The following SDHA variants were observed in gnomAD, a reference collection of about 807,000 sequenced individuals.
The protein encoded by SDHA is succinate dehydrogenase [ubiquinone] flavoprotein subunit, mitochondrial.
In SDHA, 48 loss-of-function variants were observed where a neutral mutation model predicts 78.4. That is an observed-to-expected ratio of 0.61 (90% CI 0.49 to 0.78). The LOEUF (loss-of-function observed/expected upper bound fraction) is 0.78. SDHA is among the 30% of genes least tolerant of loss of function. The pLI is 0.00. For synonymous variants in SDHA, 326 were observed against 353.9 expected (o/e 0.92, Z 0.88); for missense variants, 680 against 892.7 (o/e 0.76, Z 3.04).
chr5:220,815 A>ATTTTTTTTTT (rs753343756), intron 1 of SDHA, among the ~76,000 whole-genome samples: 4 of 139,066 alleles, frequency 2.9e-5, no homozygotes, highest in African/African-American at 8.4e-5. Context: ...TGTGAACTGA[A>ATTTTTTTTTT]TTTTTTTTTT....
At chr5:264,415 G>C in the SDHA span, among the ~76,000 whole-genome samples, 2 of 152,220 alleles carry the variant, frequency 1.3e-5, no homozygotes, top group Non-Finnish European at 2.9e-5. Flanking sequence ...AGGGCACAGG[G>C]TGTCTGGGAG....
chr5:264,864 T>G, the SDHA span, among the ~76,000 whole-genome samples: 1 of 152,190 alleles, frequency 6.6e-6, no homozygotes, highest in Admixed American at 6.5e-5. Context: ...GCCTTTGAAA[T>G]TATCTGGGGT....
chr5:234,569 T>G (rs1735644662), intron 8 of SDHA: 1 of 155,710 alleles, frequency 6.4e-6, no homozygotes, highest in Admixed American at 6.1e-5. Context: ...AGACTTTTTT[T>G]CCTTGTCATT....
chr5:263,890 T>G, the SDHA span, among the ~76,000 whole-genome samples: 2 of 152,194 alleles, frequency 1.3e-5, no homozygotes, highest in African/African-American at 4.8e-5. Flanking sequence ...ATGAAAGGAC[T>G]TTACTCACAG....
In SDHA at chr5:242,482, T is replaced by C. The variant is rs555319782; in HGVS notation, c.1551+2006T>C. On this transcript the variant is annotated intron_variant, in intron 11 of 14. Transcript: ENST00000264932. ...TAAGGAATACTTTTAGTAAATCTTA[T>C]GACTGGCTTGCTCTCAATAAATATG... Among the ~76,000 whole-genome samples the C allele has an allele frequency of 2.6e-5, 4 of 152,374 alleles. No individual in the cohort carries two copies. The South Asian group carries it at 6.2e-4, about 24-fold the overall frequency.
chr5:250,850 C>T (rs1343186532), intron 11 of SDHA, 142 bp from the exon 12 acceptor site: 6 of 748,470 alleles, frequency 8.0e-6, no homozygotes, highest in Non-Finnish European at 1.4e-5. Flanking sequence ...GTAATAAACT[C>T]ATAGTCTGAA....
intron 10 of SDHA, among the ~76,000 whole-genome samples, chr5:238,181 C>T (rs1413405339): frequency 2.6e-5 from 4 of 152,030 alleles, no homozygotes; most frequent in South Asian, 4.1e-4. Context: ...TCTGTTGATA[C>T]GACATTCTGG....
chr5:267,611 A>G, the SDHA span, among the ~76,000 whole-genome samples: 6 of 152,234 alleles, frequency 3.9e-5, no homozygotes, highest in Non-Finnish European at 8.8e-5. Flanking sequence ...ATTTAGAAAA[A>G]TTCTAATGAA....
intron 6 of SDHA, among the ~76,000 whole-genome samples, chr5:229,182 G>A (rs1398971073): frequency 6.6e-6 from 1 of 152,210 alleles, no homozygotes; most frequent in African/African-American, 2.4e-5. Context: ...ATGTAAATTA[G>A]TACAACTATT....
chr5:252,114 T>C (rs1173931220), intron 13 of SDHA, among the ~76,000 whole-genome samples: 1 of 150,916 alleles, frequency 6.6e-6, no homozygotes, highest in African/African-American at 2.4e-5. Flanking sequence ...GTGGAGGAAA[T>C]GCCAGTTTAT....
intron 1 of SDHA, among the ~76,000 whole-genome samples, chr5:221,409 T>A (rs1250614591): frequency 6.6e-6 from 1 of 152,240 alleles, no homozygotes; most frequent in Non-Finnish European, 1.5e-5. Context: ...GTTTTTAGGT[T>A]CTTCGTTGGC....
At chr5:251,309 G>T in intron 12 of SDHA, 29 bp from the exon 13 acceptor site, 2 of 1,608,302 alleles carry the variant, frequency 1.2e-6, no homozygotes, top group Non-Finnish European at 1.7e-6. Context: ...GGTCCCGCCT[G>T]CCCCTGATGG....
chr5:245,880 G>A (rs147342325), intron 11 of SDHA, among the ~76,000 whole-genome samples: 8 of 152,154 alleles, frequency 5.3e-5, no homozygotes, highest in Non-Finnish European at 7.4e-5. Context: ...ACTAGCCCTC[G>A]GCTTCCTACC....
chr5:225,350 G>GGAT, intron 3 of SDHA, 69 bp from the exon 4 acceptor site: 1 of 1,605,858 alleles, frequency 6.2e-7, no homozygotes, highest in Non-Finnish European at 8.5e-7. Context: ...CCCAGCGGGT[G>GGAT]GATTTGGGCC....
intron 12 of SDHA, 71 bp downstream of exon 12, chr5:251,174 G>T (rs1403531744): frequency 6.4e-7 from 1 of 1,558,714 alleles, no homozygotes; most frequent in East Asian, 2.2e-5. Context: ...TGTCTGTCCC[G>T]TCAGTGCTGA....
chr5:240,278 A>C lies in SDHA; in HGVS notation c.1433-80A>C, dbSNP rs557057185. 97 of 857,906 alleles carry C rather than the reference A, an allele frequency of 1.1e-4. No individual in the cohort carries two copies. The African/African-American group carries it at 1.6e-3, about 14-fold the overall frequency. 53.1% of individuals were successfully genotyped at this position (857,906 alleles called of 1,614,324 possible). On this transcript the variant is annotated intron_variant, in intron 10 of 14. Transcript: ENST00000264932. ...CAAGCTCCTTGAGTGGCTGTGCTACATGTTTGTGTGTCATTCTAAATCCAT... is the reference window on the plus strand; with the variant it reads ...CAAGCTCCTTGAGTGGCTGTGCTACCTGTTTGTGTGTCATTCTAAATCCAT...
rs984498503 is a variant in SDHA at position 228,999 on chromosome 5, T to C, written c.770+666T>C. Among the ~76,000 whole-genome samples, 11 of 152,100 alleles carry C rather than the reference T, an allele frequency of 7.2e-5. No homozygotes were observed. In the East Asian group the frequency reaches 1.2e-3, roughly 16 times the overall value. ...CTAGAGAAGACATACAAATGGCCAA[T>C]TGATGTATGAAAAAATGCTCAACGT... On this transcript the variant is annotated intron_variant, in intron 6 of 14. Transcript: ENST00000264932.
chr5:261,676 C>T (rs1475495011), downstream of SDHA, among the ~76,000 whole-genome samples: 25 of 81,596 alleles, frequency 3.1e-4, no homozygotes, highest in East Asian at 1.6e-3. Context: ...CTCCGCCTCC[C>T]GTCACAGCAT....
the SDHA span, among the ~76,000 whole-genome samples, chr5:262,350 G>GTCC: frequency 9.2e-6 from 1 of 109,028 alleles, no homozygotes; most frequent in African/African-American, 3.3e-5. Flanking sequence ...TCCGCCTCCC[G>GTCC]GCAGAGCATT....
Sources: gnomAD v4.1 joint callset for allele counts (sites outside exome capture counted in the v4.1 genomes callset) on GRCh38, gnomAD v4.1.1 for gene constraint, MANE v1.5 for transcripts, NCBI Gene and HGNC (gene_info 2026-07-23, HGNC 2026-07-21) for gene names.